FTCDNL1: variants seen among roughly 807,000 people sequenced by gnomAD.
FTCDNL1 encodes formiminotransferase cyclodeaminase N-terminal like.
Under a neutral mutation model 5.9 loss-of-function variants are expected in FTCDNL1, and 11 were observed. The observed-to-expected ratio is 1.87, with a 90% CI of 1.18 to 3.10. FTCDNL1 has a LOEUF of 3.10. FTCDNL1 is among the 30% of genes most tolerant of loss of function. The pLI is 0.00. For missense variants in FTCDNL1, 115 were observed against 65.5 expected, an observed-to-expected ratio of 1.76 and a Z score of -2.61; for synonymous variants, 58 against 24.8, an observed-to-expected ratio of 2.34 and a Z score of -3.99.
chr2:199,776,958 A>ATATG lies in FTCDNL1; in HGVS notation c.212-16124_212-16123insCATA, dbSNP rs1263780879. Among the ~76,000 whole-genome samples the ATATG allele has an allele frequency of 4.3e-3, 584 of 136,212 alleles. 5 individuals are homozygous for ATATG. Among genetic ancestry groups the ATATG allele is most frequent in the Non-Finnish European group, 6.7e-3 (427 of 63,310 alleles). 89.4% of individuals were successfully genotyped at this position (136,212 alleles called of 152,430 possible). On this transcript the variant is annotated intron_variant, in intron 3 of 3. Coordinates refer to the FTCDNL1 transcript ENST00000416668. ...CACACACACACAGAGATGTGTGTAT[A>ATATG]TGTGTGTGTGTGTGTGTGTGTGTGT...
At chr2:199,727,213 T>C in the FTCDNL1 span, among the ~76,000 whole-genome samples, 1 of 152,182 alleles carries the variant, frequency 6.6e-6, no homozygotes, top group Non-Finnish European at 1.5e-5. Flanking sequence ...TGCTGCACTG[T>C]AGGGAATTCC....
chr2:199,801,047 C>A (rs1700419073), intron 3 of FTCDNL1, among the ~76,000 whole-genome samples: 1 of 152,142 alleles, frequency 6.6e-6, no homozygotes, highest in Admixed American at 6.5e-5. Context: ...AGCTTTTGAT[C>A]CTCGTTTTTC....
the FTCDNL1 span, among the ~76,000 whole-genome samples, chr2:199,703,246 A>T: frequency 6.7e-6 from 1 of 148,216 alleles, no homozygotes; most frequent in Non-Finnish European, 1.5e-5. Flanking sequence ...TGATGTTCCG[A>T]CTCTGGGTTT....
At chr2:199,804,267 G>A (rs1356670693) in intron 3 of FTCDNL1, among the ~76,000 whole-genome samples, 1 of 152,184 alleles carries the variant, frequency 6.6e-6, no homozygotes, top group Non-Finnish European at 1.5e-5. Flanking sequence ...TTCAGACGGG[G>A]CTTCCTGAGA....
the FTCDNL1 span, among the ~76,000 whole-genome samples, chr2:199,744,140 T>C: frequency 6.6e-6 from 1 of 152,186 alleles, no homozygotes; most frequent in East Asian, 1.9e-4. Flanking sequence ...TGACTATGAC[T>C]GCTTTAGGAA....
intron 3 of FTCDNL1, among the ~76,000 whole-genome samples, chr2:199,764,593 G>A (rs1445698104): frequency 6.6e-6 from 1 of 152,160 alleles, no homozygotes; most frequent in Non-Finnish European, 1.5e-5. Flanking sequence ...TACCTTATAA[G>A]TTGCTTTCTG....
the FTCDNL1 span, among the ~76,000 whole-genome samples, chr2:199,694,488 A>C: frequency 2.6e-5 from 4 of 152,170 alleles, no homozygotes; most frequent in Non-Finnish European, 5.9e-5. Flanking sequence ...TAGTACATTA[A>C]TCAGCTATTG....
the FTCDNL1 span, among the ~76,000 whole-genome samples, chr2:199,707,715 G>C: frequency 1.3e-5 from 2 of 151,848 alleles, no homozygotes; most frequent in South Asian, 4.2e-4. Context: ...CCAAAAATAA[G>C]TATAGAATTC....
intron 3 of FTCDNL1, among the ~76,000 whole-genome samples, chr2:199,822,781 T>C (rs1201417790): frequency 1.3e-5 from 2 of 152,222 alleles, no homozygotes; most frequent in Non-Finnish European, 2.9e-5. Context: ...CAGGAGTAGA[T>C]TCCACATTAA....
At chr2:199,672,514 T>C in the FTCDNL1 span, among the ~76,000 whole-genome samples, 1 of 152,176 alleles carries the variant, frequency 6.6e-6, no homozygotes, top group Non-Finnish European at 1.5e-5. Context: ...TCATTTATTA[T>C]CTTTTAGATT....
Position 199,846,190 on chromosome 2 carries a change from G to A in FTCDNL1, c.116-20C>T, listed in dbSNP as rs1028741973. Reference sequence around the variant, plus strand: ...TCTTTCCTGTAAAAAAAACAAGACAGAAGTGCAAGAATTTTTTTTCTGTGA... The same window carrying A: ...TCTTTCCTGTAAAAAAAACAAGACAAAAGTGCAAGAATTTTTTTTCTGTGA... On this transcript the variant is annotated intron_variant, in intron 2 of 4. Coordinates refer to ENST00000420128, the MANE Select transcript of FTCDNL1 (RefSeq NM_001363886.2). The A allele has an allele frequency of 2.2e-5, 15 of 667,932 alleles. No individual in the cohort carries two copies. Among genetic ancestry groups the A allele is most frequent in the Non-Finnish European group, 4.0e-5 (15 of 372,148 alleles). The allele number at this position is 667,932 out of a possible 1,614,324, so 41.4% of individuals were successfully genotyped here.
chr2:199,738,537 TC>T, the FTCDNL1 span, among the ~76,000 whole-genome samples: 9 of 152,246 alleles, frequency 5.9e-5, no homozygotes, highest in African/African-American at 9.6e-5. Context: ...GCTTTTTTTT[TC>T]CCCCTTGCAA....
chr2:199,777,581 G>C (rs1699155767), intron 3 of FTCDNL1, among the ~76,000 whole-genome samples: 1 of 152,140 alleles, frequency 6.6e-6, no homozygotes, highest in Non-Finnish European at 1.5e-5. Flanking sequence ...CTCATCATAA[G>C]AATACCTTCA....
At chr2:199,846,927 T>C (rs1019082455) in intron 2 of FTCDNL1, among the ~76,000 whole-genome samples, 3 of 152,234 alleles carry the variant, frequency 2.0e-5, no homozygotes, top group East Asian at 3.8e-4. Flanking sequence ...AGGCGGTAAT[T>C]AAACCTTTGG....
At chr2:199,808,928 T>C (rs1225562417), downstream of FTCDNL1, among the ~76,000 whole-genome samples, 1 of 152,130 alleles carries the variant, frequency 6.6e-6, no homozygotes. Flanking sequence ...TGCTGTTCCT[T>C]CTATCGGGCC....
At chr2:199,802,224 C>T (rs1486174657) in intron 3 of FTCDNL1, among the ~76,000 whole-genome samples, 1 of 152,128 alleles carries the variant, frequency 6.6e-6, no homozygotes, top group Non-Finnish European at 1.5e-5. Flanking sequence ...GAACATATTA[C>T]CCAGGACTTA....
chr2:199,669,189 A>T, the FTCDNL1 span, among the ~76,000 whole-genome samples: 1 of 152,030 alleles, frequency 6.6e-6, no homozygotes, highest in Non-Finnish European at 1.5e-5. Context: ...TGAACAGAGC[A>T]TTGTTAACTA....
the FTCDNL1 span, among the ~76,000 whole-genome samples, chr2:199,751,111 G>T: frequency 1.3e-5 from 2 of 152,148 alleles, no homozygotes; most frequent in Non-Finnish European, 2.9e-5. Flanking sequence ...GAAAGTGGAC[G>T]TAACACTTAA....
At chr2:199,825,819 T>C (rs1292567243) in intron 3 of FTCDNL1, among the ~76,000 whole-genome samples, 2 of 152,190 alleles carry the variant, frequency 1.3e-5, no homozygotes, top group Non-Finnish European at 2.9e-5. Context: ...GTCTGGAGTA[T>C]TCATTCATAG....
Sources: gnomAD v4.1 joint callset for allele counts (sites outside exome capture counted in the v4.1 genomes callset) on GRCh38, gnomAD v4.1.1 for gene constraint, MANE v1.5 for transcripts, NCBI Gene and HGNC (gene_info 2026-07-23, HGNC 2026-07-21) for gene names.